The following ARHGAP24 variants were observed in gnomAD, a reference collection of about 807,000 sequenced individuals.
ARHGAP24 encodes the protein rho GTPase-activating protein 24.
Under a neutral mutation model 76.4 loss-of-function variants are expected in ARHGAP24, and 50 were observed. The ratio of observed to expected loss-of-function variants is 0.65; its 90% CI spans 0.52 to 0.83. The LOEUF (loss-of-function observed/expected upper bound fraction) is 0.83, where lower values mean the gene tolerates loss of function less well. ARHGAP24 is among the 40% of genes least tolerant of loss of function. The pLI is 0.00. For synonymous variants in ARHGAP24, 345 were observed against 323.3 expected (o/e 1.07, Z -0.72); for missense variants, 930 against 914.2 (o/e 1.02, Z -0.22).
intron 2 of ARHGAP24, among the ~76,000 whole-genome samples, chr4:85,643,234 G>GGTTTT (rs1721592118): frequency 1.8e-5 from 1 of 54,630 alleles, no homozygotes; most frequent in African/African-American, 5.9e-5. Flanking sequence ...GTTTTTTTGT[G>GGTTTT]TTTTTTTTTT....
chr4:85,886,622 A>T (rs1733582850), intron 3 of ARHGAP24, among the ~76,000 whole-genome samples: 1 of 152,176 alleles, frequency 6.6e-6, no homozygotes, highest in Non-Finnish European at 1.5e-5. Context: ...AAACCGATAC[A>T]TATCCCTAGA....
chr4:85,959,243 T>C (rs1311247745), intron 5 of ARHGAP24, among the ~76,000 whole-genome samples: 1 of 152,210 alleles, frequency 6.6e-6, no homozygotes, highest in Non-Finnish European at 1.5e-5. Flanking sequence ...TAAACTGTCA[T>C]GGCGCTGGTG....
chr4:85,708,736 G>C (rs1158601587), intron 2 of ARHGAP24, among the ~76,000 whole-genome samples: 1 of 152,108 alleles, frequency 6.6e-6, no homozygotes, highest in Non-Finnish European at 1.5e-5. Flanking sequence ...GGGTTTTTCA[G>C]ACCATATTTA....
At chr4:85,755,068 CA>C (rs1442650767) in intron 3 of ARHGAP24, among the ~76,000 whole-genome samples, 3 of 152,182 alleles carry the variant, frequency 2.0e-5, no homozygotes, top group Non-Finnish European at 4.4e-5. Context: ...CTTTGTGTCA[CA>C]AACCCTATAT....
chr4:85,757,890 C>G (rs1444849520), intron 3 of ARHGAP24, among the ~76,000 whole-genome samples: 1 of 152,146 alleles, frequency 6.6e-6, no homozygotes, highest in African/African-American at 2.4e-5. Flanking sequence ...TGTTTCCTGA[C>G]TTTTTAATGA....
chr4:85,936,429 T>C (rs930217696), intron 4 of ARHGAP24, among the ~76,000 whole-genome samples: 5 of 152,148 alleles, frequency 3.3e-5, no homozygotes, highest in Admixed American at 2.0e-4. Context: ...TGTGGTAAAA[T>C]AGAATTAAAG....
intron 3 of ARHGAP24, chr4:85,778,636 T>C: frequency 1.0e-6 from 1 of 958,568 alleles, no homozygotes; most frequent in South Asian, 4.8e-5. Flanking sequence ...AATGCTCAAA[T>C]ACTACATTAT....
In ARHGAP24 at chr4:85,994,821, T is replaced by C. The variant is rs2148870879; in HGVS notation, c.1167T>C (p.Asn389=). Residue 389 remains asparagine, a synonymous_variant, in exon 9 of 10, where the codon AAT becomes AAC. Transcript: ENST00000395184. The part of the protein sequence containing the change: ...SESPQRSSMN[N]GSPTALSGSK... ...CACCCCAGAGAAGCAGCATGAACAATGGATCCCCCACAGCTCTATCAGGCA... is the reference window on the plus strand; with the variant it reads ...CACCCCAGAGAAGCAGCATGAACAACGGATCCCCCACAGCTCTATCAGGCA... 1 of 1,614,038 alleles carries C rather than the reference T, an allele frequency of 6.2e-7. No individual in the cohort carries two copies. The highest frequency in any genetic ancestry group is 8.5e-7 in the Non-Finnish European group (1 of 1,180,004).
At chr4:85,596,707 A>G (rs1429928874) in intron 2 of ARHGAP24, among the ~76,000 whole-genome samples, 2 of 152,086 alleles carry the variant, frequency 1.3e-5, no homozygotes, top group East Asian at 3.8e-4. Context: ...AAATGGAATA[A>G]TATTTGTATA....
intron 3 of ARHGAP24, among the ~76,000 whole-genome samples, chr4:85,825,409 T>C (rs998743642): frequency 2.0e-5 from 3 of 152,146 alleles, no homozygotes; most frequent in African/African-American, 7.2e-5. Flanking sequence ...AGGAGAAAAT[T>C]ATGGCTACTG....
intron 4 of ARHGAP24, chr4:85,930,434 G>A (rs949603349): frequency 3.0e-6 from 3 of 986,398 alleles, no homozygotes; most frequent in Admixed American, 6.1e-5. Flanking sequence ...TTGCTCAGAT[G>A]AAAGGAGCCA....
intron 2 of ARHGAP24, among the ~76,000 whole-genome samples, chr4:85,682,403 T>G (rs1464723892): frequency 6.6e-6 from 1 of 152,200 alleles, no homozygotes; most frequent in Non-Finnish European, 1.5e-5. Context: ...ACTTGTGCAT[T>G]TTTACAAAGC....
chr4:85,680,937 A>G (rs1723180625), intron 2 of ARHGAP24, among the ~76,000 whole-genome samples: 1 of 151,912 alleles, frequency 6.6e-6, no homozygotes, highest in African/African-American at 2.4e-5. Context: ...TATTTTTCTG[A>G]TGATTTCCTA....
chr4:85,487,782 T>TATATTATATAAATATATATTTATTAC (rs1723170999), intron 1 of ARHGAP24, among the ~76,000 whole-genome samples: 3 of 108,408 alleles, frequency 2.8e-5, no homozygotes, highest in East Asian at 4.6e-4. Context: ...ATATTTATTA[T>TATATTATATAAATATATATTTATTAC]ATATTATATA....
chr4:85,683,978 T>C (rs543752321), intron 2 of ARHGAP24, among the ~76,000 whole-genome samples: 1 of 152,332 alleles, frequency 6.6e-6, no homozygotes, highest in Admixed American at 6.5e-5. Context: ...ATATACTGCA[T>C]TTTCTCAGTT....
chr4:85,549,193 T>C (rs1726031215), intron 1 of ARHGAP24, among the ~76,000 whole-genome samples: 1 of 67,228 alleles, frequency 1.5e-5, no homozygotes, highest in Admixed American at 1.4e-4. Context: ...CACTAAGTCA[T>C]AGATACAGGT....
At chr4:85,665,839 TG>T (rs1722592703) in intron 2 of ARHGAP24, among the ~76,000 whole-genome samples, 1 of 152,334 alleles carries the variant, frequency 6.6e-6, no homozygotes, top group South Asian at 2.1e-4. Flanking sequence ...TGTTGAATAT[TG>T]GCCCCCACTC....
At chr4:85,895,327 A>C (rs1353360040) in intron 3 of ARHGAP24, among the ~76,000 whole-genome samples, 1 of 152,218 alleles carries the variant, frequency 6.6e-6, no homozygotes, top group Admixed American at 6.5e-5. Context: ...TACACTGAAG[A>C]GTTTAGAACC....
At chr4:85,716,480 T>G (rs1724737393) in intron 2 of ARHGAP24, among the ~76,000 whole-genome samples, 1 of 152,122 alleles carries the variant, frequency 6.6e-6, no homozygotes, top group African/African-American at 2.4e-5. Flanking sequence ...TGTCATGAAA[T>G]TATTGCCATA....
Sources: gnomAD v4.1 joint callset for allele counts (sites outside exome capture counted in the v4.1 genomes callset) on GRCh38, gnomAD v4.1.1 for gene constraint, MANE v1.5 for transcripts, NCBI Gene and HGNC (gene_info 2026-07-23, HGNC 2026-07-21) for gene names.